Variants in CRIM1 observed in about 807,000 individuals in gnomAD.
CRIM1 encodes the protein cysteine-rich motor neuron 1 protein.
A neutral mutation model predicts 116.4 loss-of-function variants in CRIM1; 32 were observed. The observed-to-expected ratio is 0.27, with a 90% confidence interval of 0.21 to 0.37. CRIM1 has a LOEUF of 0.37. Ranked by LOEUF, CRIM1 falls within the 10% of genes least tolerant of loss-of-function variation. The pLI is 1.00. For synonymous variants in CRIM1, 590 were observed against 509.2 expected (o/e 1.16, Z -2.13); for missense variants, 1,331 against 1,354.8 (o/e 0.98, Z 0.28).
At chr2:36,545,029 AAT>A (rs1286161561) in intron 15 of CRIM1, among the ~76,000 whole-genome samples, 2 of 152,162 alleles carry the variant, frequency 1.3e-5, no homozygotes, top group African/African-American at 2.4e-5. Context: ...GTCTGTGCGT[AAT>A]AAAGATGTTA....
intron 9 of CRIM1, among the ~76,000 whole-genome samples, chr2:36,511,557 C>G: frequency 6.6e-6 from 1 of 152,170 alleles, no homozygotes; most frequent in South Asian, 2.1e-4. Context: ...CATGACAGTT[C>G]AGAATCAAGG....
intron 7 of CRIM1, among the ~76,000 whole-genome samples, chr2:36,484,437 G>C (rs971124463): frequency 6.6e-6 from 1 of 152,072 alleles, no homozygotes; most frequent in Non-Finnish European, 1.5e-5. Context: ...AATCTATTTT[G>C]TGATTGAAGG....
At chr2:36,537,647 G>A in intron 14 of CRIM1, 101 bp downstream of exon 14, 2 of 1,298,344 alleles carry the variant, frequency 1.5e-6, no homozygotes, top group Non-Finnish European at 2.1e-6. Context: ...CGTTCACACG[G>A]CCCAAGTAGC....
At chr2:36,468,993 A>G (rs1678273902) in intron 5 of CRIM1, among the ~76,000 whole-genome samples, 4 of 152,254 alleles carry the variant, frequency 2.6e-5, no homozygotes, top group Admixed American at 2.0e-4. Context: ...GAATTAGTCT[A>G]TAGTATTGTT....
At chr2:36,502,989 T>A (rs950449804) in intron 8 of CRIM1, among the ~76,000 whole-genome samples, 2 of 152,188 alleles carry the variant, frequency 1.3e-5, no homozygotes, top group African/African-American at 2.4e-5. Flanking sequence ...ACCTAAAGAC[T>A]TACTTCAACA....
chr2:36,512,163 A>G (rs762071532), intron 9 of CRIM1, 110 bp from the exon 10 acceptor site: 7 of 1,301,724 alleles, frequency 5.4e-6, no homozygotes, highest in Non-Finnish European at 6.4e-6. Flanking sequence ...GCAAAAGTCA[A>G]GTCATTCTGT....
chr2:36,407,853 G>C (rs1301460432), intron 2 of CRIM1, among the ~76,000 whole-genome samples: 1 of 152,168 alleles, frequency 6.6e-6, no homozygotes, highest in Non-Finnish European at 1.5e-5. Context: ...GACATTTAGA[G>C]TGATACTTTC....
chr2:36,382,250 G>T (rs1276462117), intron 1 of CRIM1, among the ~76,000 whole-genome samples: 1 of 152,230 alleles, frequency 6.6e-6, no homozygotes, highest in Admixed American at 6.5e-5. Flanking sequence ...TTTCACTGGG[G>T]ATGTTTAAAA....
At position 36,356,552 on chromosome 2, in the gene CRIM1, G is replaced by C; in HGVS notation, c.260G>C (p.Gly87Ala). 2 of 1,612,688 alleles carry C rather than the reference G, an allele frequency of 1.2e-6. No homozygotes were observed. Among genetic ancestry groups the C allele is most frequent in the Non-Finnish European group, 1.7e-6 (2 of 1,179,862 alleles). Residue 87 changes from glycine (G) to alanine (A), a missense_variant, in exon 1 of 17, where the codon GGG becomes GCG. By Grantham distance (60) the Gly-to-Ala change is moderately conservative. Transcript: ENST00000280527. This position sits in a 1 kb window ranked among gnomAD's most constrained non-coding sequence, Gnocchi z 4.3. ...GGGATTTACGGAACCTGCGACCGGG[G>C]GCTGCGTTGTGTCATCCGCCCCCCG... ...TFGIYGTCDR[G>A]LRCVIRPPLN... is the part of the protein sequence containing the mutation.
At chr2:36,511,324 A>C (rs1318768977) in intron 9 of CRIM1, among the ~76,000 whole-genome samples, 1 of 152,148 alleles carries the variant, frequency 6.6e-6, no homozygotes, top group African/African-American at 2.4e-5. Flanking sequence ...TCATTTAAAA[A>C]TTCTAGGTTT....
intron 3 of CRIM1, 36 bp from the exon 4 acceptor site, chr2:36,442,579 A>G: frequency 6.2e-7 from 1 of 1,613,434 alleles, no homozygotes; most frequent in South Asian, 1.1e-5. Context: ...AAGTAAATAT[A>G]ACAATAAACG....
At chr2:36,439,143 A>G (rs1303193120) in intron 2 of CRIM1, among the ~76,000 whole-genome samples, 1 of 152,210 alleles carries the variant, frequency 6.6e-6, no homozygotes, top group African/African-American at 2.4e-5. Context: ...ATTCTATCCA[A>G]CAGGAAAATT....
intron 7 of CRIM1, among the ~76,000 whole-genome samples, chr2:36,487,729 A>G (rs1679935239): frequency 6.6e-6 from 1 of 152,210 alleles, no homozygotes; most frequent in Admixed American, 6.5e-5. Context: ...TTGGCATAAG[A>G]ATATAGCCTC....
At chr2:36,494,175 A>G (rs1680421364) in intron 7 of CRIM1, among the ~76,000 whole-genome samples, 2 of 152,196 alleles carry the variant, frequency 1.3e-5, no homozygotes, top group Admixed American at 6.6e-5. Flanking sequence ...TTTTCATTTT[A>G]ACTTTATATT....
At chr2:36,485,023 T>A (rs1005456174) in intron 7 of CRIM1, among the ~76,000 whole-genome samples, 1 of 152,230 alleles carries the variant, frequency 6.6e-6, no homozygotes, top group African/African-American at 2.4e-5. Flanking sequence ...ATTCAGTATT[T>A]TTTAAGTTTT....
chr2:36,428,614 T>C (rs1402798219), intron 2 of CRIM1, among the ~76,000 whole-genome samples: 1 of 152,246 alleles, frequency 6.6e-6, no homozygotes, highest in Admixed American at 6.5e-5. Context: ...TTATAGTGTC[T>C]CTTATTTAGC....
At chr2:36,400,406 A>G (rs113320636) in intron 2 of CRIM1, among the ~76,000 whole-genome samples, 7 of 152,302 alleles carry the variant, frequency 4.6e-5, no homozygotes, top group African/African-American at 9.6e-5. Flanking sequence ...GCCTCTACCA[A>G]TGATGAAGAT....
At chr2:36,471,401 T>C (rs1171626159) in intron 5 of CRIM1, among the ~76,000 whole-genome samples, 1 of 152,188 alleles carries the variant, frequency 6.6e-6, no homozygotes, top group Non-Finnish European at 1.5e-5. Context: ...CATTATTGTG[T>C]TATTTAAAGA....
At chr2:36,373,799 A>T (rs1189607857) in intron 1 of CRIM1, among the ~76,000 whole-genome samples, 1 of 152,162 alleles carries the variant, frequency 6.6e-6, no homozygotes, top group Non-Finnish European at 1.5e-5. Flanking sequence ...TACAACATAC[A>T]CCCATGCAAA....
Sources: gnomAD v4.1 joint callset for allele counts (sites outside exome capture counted in the v4.1 genomes callset) on GRCh38, gnomAD v4.1.1 for gene constraint, Gnocchi (gnomAD v3.1) non-coding constraint, MANE v1.5 for transcripts, NCBI Gene and HGNC (gene_info 2026-07-23, HGNC 2026-07-21) for gene names.